HBS1L: variants seen among roughly 807,000 people sequenced by gnomAD.
HBS1L encodes HBS1-like protein.
HBS1L carries 55 observed loss-of-function variants against 88.9 expected under a neutral mutation model. The ratio of observed to expected loss-of-function variants is 0.62; its 90% CI spans 0.50 to 0.77. The LOEUF is 0.77. HBS1L is among the 30% of genes least tolerant of loss of function. The probability of loss-of-function intolerance (pLI) is 0.00; values close to 1 mark genes in which losing one functional copy is unlikely to be tolerated. For synonymous variants in HBS1L, 267 were observed against 288.5 expected (o/e 0.93, Z 0.76); for missense variants, 741 against 829.3 (o/e 0.89, Z 1.31).
chr6:135,011,905 T>TAAA (rs10605981), intron 4 of HBS1L, among the ~76,000 whole-genome samples: 2 of 112,550 alleles, frequency 1.8e-5, no homozygotes, highest in Non-Finnish European at 3.5e-5. Context: ...AAACTTGTCT[T>TAAA]AAAAAAAAAA....
At position 134,985,408 on chromosome 6, in the gene HBS1L, A is replaced by C. The variant is rs993470822; in HGVS notation, c.1425T>G (p.Asp475Glu). The C allele has an allele frequency of 3.1e-6, 5 of 1,590,978 alleles. No individual in the cohort carries two copies. The highest frequency in any genetic ancestry group is 1.4e-5 in the African/African-American group (1 of 73,414). Residue 475 changes from aspartate to glutamate, a missense_variant and splice_region_variant, in exon 12 of 18, where the codon GAT (aspartate) becomes GAG (glutamate). Coordinates refer to ENST00000367837, the MANE Select transcript of HBS1L (RefSeq NM_006620.4). ...TAGATCGCTGGGGAGGCTTAAAGGA[A>C]TCTGGAAAAAAGAAATTGCAAAAGG... is the stretch of plus-strand genomic sequence containing the variant. ...YKGLCLLEQI[D>E]SFKPPQRSID...
chr6:134,985,536 T>C, intron 11 of HBS1L, 127 bp from the exon 12 acceptor site: 1 of 589,256 alleles, frequency 1.7e-6, no homozygotes, highest in Non-Finnish European at 3.0e-6. Context: ...TAATAGCAAC[T>C]TAACTGTCAC....
intron 4 of HBS1L, chr6:135,036,275 C>T: frequency 1.0e-6 from 1 of 1,002,568 alleles, no homozygotes; most frequent in South Asian, 4.7e-5. Context: ...TTGAATGCTT[C>T]AAACAAAAAT....
intron 5 of HBS1L, among the ~76,000 whole-genome samples, chr6:135,001,321 A>G (rs978971266): frequency 2.6e-5 from 4 of 152,174 alleles, no homozygotes; most frequent in Admixed American, 1.3e-4. Context: ...TACATTTATT[A>G]CCCATTATCT....
At chr6:135,008,629 A>AT (rs959307581) in intron 4 of HBS1L, among the ~76,000 whole-genome samples, 7 of 151,430 alleles carry the variant, frequency 4.6e-5, no homozygotes, top group Non-Finnish European at 8.8e-5. Flanking sequence ...GGTCCTGAAG[A>AT]TTTTTTTTTC....
intron 4 of HBS1L, among the ~76,000 whole-genome samples, chr6:135,026,170 T>G (rs1200727952): frequency 6.6e-6 from 1 of 152,194 alleles, no homozygotes; most frequent in Non-Finnish European, 1.5e-5. Context: ...AAAAAATAAT[T>G]GTTTAAAAGC....
chr6:135,008,384 C>T (rs2114828812), intron 4 of HBS1L, among the ~76,000 whole-genome samples: 1 of 152,312 alleles, frequency 6.6e-6, no homozygotes, highest in South Asian at 2.1e-4. Flanking sequence ...TGCACTTAAA[C>T]CAAATTACCT....
intron 4 of HBS1L, among the ~76,000 whole-genome samples, chr6:135,016,490 A>C (rs888376428): frequency 6.6e-6 from 1 of 152,186 alleles, no homozygotes; most frequent in South Asian, 2.1e-4. Context: ...TCCACTTAAC[A>C]TTCTGTGAAT....
In HBS1L at chr6:134,993,883, A is replaced by G; in HGVS notation, c.966-8T>C. 7.4e-7 allele frequency: 1 copy of G among 1,349,910 alleles called. No homozygotes were observed. Among genetic ancestry groups the G allele is most frequent in the Non-Finnish European group, 1.1e-6 (1 of 948,322 alleles). The allele number at this position is 1,349,910 out of a possible 1,614,324, so 83.6% of individuals were successfully genotyped here. ...ACATCCATGGTTACTCCCCTTAAACAAAACATAACATGGTTAGAATGTACG... is the reference window on the plus strand; with the variant it reads ...ACATCCATGGTTACTCCCCTTAAACGAAACATAACATGGTTAGAATGTACG... On this transcript the variant is annotated splice_polypyrimidine_tract_variant and splice_region_variant and intron_variant, in intron 7 of 17. Coordinates refer to ENST00000367837, the MANE Select transcript of HBS1L (RefSeq NM_006620.4).
rs1774973016 is a variant in HBS1L at position 134,986,149 on chromosome 6, A to T, written c.1340T>A (p.Leu447His). 6.3e-7 allele frequency: 1 copy of T among 1,593,832 alleles called. No individual in the cohort carries two copies. Among genetic ancestry groups the T allele is most frequent in the African/African-American group, 1.3e-5 (1 of 74,592 alleles). ...SDVGFIPTSG[L>H]SGENLITRSQ... is the part of the protein sequence containing the mutation. ...TCTTGTGATTAGATTTTCACCACTGAGACCACTTGTAGGAATAAAACCTAC... is the reference window on the plus strand; with the variant it reads ...TCTTGTGATTAGATTTTCACCACTGTGACCACTTGTAGGAATAAAACCTAC... The change falls in exon 11 of 18, where the codon CTC becomes CAC. Residue 447 changes from leucine to histidine, a missense_variant. By Grantham distance (99) the Leu-to-His change is moderately conservative (BLOSUM62 -3). This residue lies in a region of HBS1L where 556 missense variants were observed against 598.4 expected (regional missense o/e 0.93). Coordinates refer to ENST00000367837, the MANE Select transcript of HBS1L (RefSeq NM_006620.4).
intron 4 of HBS1L, among the ~76,000 whole-genome samples, chr6:135,015,342 A>G (rs1025565546): frequency 3.3e-5 from 5 of 152,186 alleles, no homozygotes; most frequent in Admixed American, 6.5e-5. Context: ...CCATCATTTT[A>G]CAGATGAAAA....
At chr6:134,979,061 T>C (rs1774737937) in intron 14 of HBS1L, 117 bp downstream of exon 14, 2 of 706,802 alleles carry the variant, frequency 2.8e-6, no homozygotes. Flanking sequence ...TTTACACAGG[T>C]GTCTATTTTT....
rs1776045487 is a variant in HBS1L, at chr6:135,020,635, T to G, written c.431-17793A>C. Among the ~76,000 whole-genome samples, 3 of 152,118 alleles carry G rather than the reference T, an allele frequency of 2.0e-5. No homozygotes were observed. In the South Asian group the frequency reaches 6.2e-4, roughly 32 times the overall value. ...ATGCTATTATGAATAATAATTAAAT[T>G]TAACAATTAGTATAATCTTTCTGAA... On this transcript the variant is annotated intron_variant, in intron 4 of 17. Transcript: ENST00000367837.
At position 135,042,156 on chromosome 6, in the gene HBS1L, T is replaced by C. The variant is rs1289778562; in HGVS notation, c.110-30A>G. On this transcript the variant is annotated intron_variant, in intron 2 of 17. Coordinates refer to ENST00000367837, the MANE Select transcript of HBS1L (RefSeq NM_006620.4). ...AATATAAAATGATCAAAGAATGCTA[T>C]GGTATAGCCATTTCCTATTAACTTT... 3.8e-6 allele frequency: 6 copies of C among 1,577,494 alleles called. 1 individual carries two copies. Among genetic ancestry groups the C allele is most frequent in the South Asian group, 3.5e-5 (3 of 86,654 alleles).
chr6:135,006,133 A>G (rs1775604113), intron 4 of HBS1L, among the ~76,000 whole-genome samples: 1 of 152,076 alleles, frequency 6.6e-6, no homozygotes, highest in Non-Finnish European at 1.5e-5. Flanking sequence ...GGAGTTAAGA[A>G]TCTATCCAAC....
At chr6:135,013,672 A>C (rs1775836555) in intron 4 of HBS1L, among the ~76,000 whole-genome samples, 1 of 152,252 alleles carries the variant, frequency 6.6e-6, no homozygotes, top group African/African-American at 2.4e-5. Flanking sequence ...GAAATTCTAC[A>C]GTGATCTAAG....
intron 4 of HBS1L, among the ~76,000 whole-genome samples, chr6:135,009,026 C>A (rs1024911832): frequency 1.3e-5 from 2 of 152,148 alleles, no homozygotes; most frequent in African/African-American, 4.8e-5. Context: ...GCATTTCATA[C>A]CAGCTACCTC....
intron 4 of HBS1L, among the ~76,000 whole-genome samples, chr6:135,016,956 A>T (rs1775938939): frequency 6.6e-6 from 1 of 152,214 alleles, no homozygotes; most frequent in South Asian, 2.1e-4. Context: ...ACTGATGCTG[A>T]CAAGTGTTCT....
chr6:134,980,795 A>G (rs1774807806), intron 13 of HBS1L, among the ~76,000 whole-genome samples: 1 of 151,904 alleles, frequency 6.6e-6, no homozygotes, highest in Admixed American at 6.6e-5. Context: ...ATTTGTTGGT[A>G]GTAGATTCAG....
Sources: gnomAD v4.1 joint callset for allele counts (sites outside exome capture counted in the v4.1 genomes callset) on GRCh38, gnomAD v4.1.1 for gene constraint, gnomAD v4.1.1 regional missense constraint, MANE v1.5 for transcripts, NCBI Gene and HGNC (gene_info 2026-07-23, HGNC 2026-07-21) for gene names.